The following GRM4 variants were observed in gnomAD, a reference collection of about 807,000 sequenced individuals.
GRM4 encodes the protein glutamate metabotropic receptor 4.
In GRM4, 28 loss-of-function variants were observed where a neutral mutation model predicts 81.7. That is an observed-to-expected ratio of 0.34 (90% CI 0.25 to 0.47). The LOEUF is 0.47. Ranked by LOEUF, GRM4 falls within the 20% of genes least tolerant of loss-of-function variation. The pLI is 1.00. For missense variants in GRM4, 948 were observed against 1,290.0 expected (o/e 0.73, Z 4.06); for synonymous variants, 488 against 528.8 (o/e 0.92, Z 1.06).
chr6:34,044,677 C>CACACACAG (rs1483997691), intron 6 of GRM4, among the ~76,000 whole-genome samples: 1 of 149,514 alleles, frequency 6.7e-6, no homozygotes, highest in South Asian at 2.1e-4. Flanking sequence ...CACAGACACA[C>CACACACAG]ACACACAGAC....
chr6:34,044,805 CATAT>C (rs751321618), intron 6 of GRM4, among the ~76,000 whole-genome samples: 22 of 150,782 alleles, frequency 1.5e-4, no homozygotes, highest in Non-Finnish European at 2.4e-4. Flanking sequence ...CATACATACA[CATAT>C]ATAGTCACAC....
chr6:34,076,897 C>T (rs1185656560), intron 3 of GRM4, among the ~76,000 whole-genome samples: 1 of 151,964 alleles, frequency 6.6e-6, no homozygotes, highest in Admixed American at 6.6e-5. Flanking sequence ...GGGTGGAAGA[C>T]AGGAACCAGG....
At position 34,047,826 on chromosome 6, in the gene GRM4, C is replaced by A. The variant is rs934962377; in HGVS notation, c.1169-7078G>T. Among the ~76,000 whole-genome samples the A allele has an allele frequency of 7.2e-5, 11 of 152,188 alleles. 1 individual carries two copies. Among genetic ancestry groups the A allele is most frequent in the African/African-American group, 2.4e-4 (10 of 41,440 alleles). Reference sequence around the variant, plus strand: ...ACCCAGTGGGAGTCGATTCTTGACTCCCTCTCAAGTGTTCTTTTACAAGCT... The same window carrying A: ...ACCCAGTGGGAGTCGATTCTTGACTACCTCTCAAGTGTTCTTTTACAAGCT... On this transcript the variant is annotated intron_variant, in intron 6 of 10. Coordinates refer to ENST00000538487, the MANE Select transcript of GRM4 (RefSeq NM_000841.4). The surrounding 1 kb of genome is among the most constrained non-coding windows in gnomAD (Gnocchi z 4.5).
At chr6:34,066,799 C>T (rs1766489854) in intron 3 of GRM4, among the ~76,000 whole-genome samples, 1 of 152,044 alleles carries the variant, frequency 6.6e-6, no homozygotes. Flanking sequence ...CAAATCTGGG[C>T]CACAGAACCC....
rs1188422680 is a variant in GRM4, at chr6:34,089,371, G to T, written c.736+2512C>A. 6.6e-6 allele frequency among the ~76,000 whole-genome samples: 1 copy of T among 150,628 alleles called. No homozygotes were observed. The highest frequency in any genetic ancestry group is 1.5e-5 in the Non-Finnish European group (1 of 67,606). Reference sequence around the variant, plus strand: ...TTTCAATTTGGCCAGCTGAAGTGCAGCTCTCTCTCTCTCTCTTCCTTTCTT... The same window carrying T: ...TTTCAATTTGGCCAGCTGAAGTGCATCTCTCTCTCTCTCTCTTCCTTTCTT... On this transcript the variant is annotated intron_variant, in intron 3 of 10. Transcript: ENST00000538487. This position sits in a 1 kb window ranked among gnomAD's most constrained non-coding sequence, Gnocchi z 4.3.
chr6:34,129,885 C>T (rs932590784), intron 2 of GRM4, among the ~76,000 whole-genome samples: 11 of 152,218 alleles, frequency 7.2e-5, no homozygotes, highest in South Asian at 4.1e-4. Flanking sequence ...TGCCCCCACA[C>T]CCAGGGCTCC....
chr6:34,133,608 T>G lies in GRM4; in HGVS notation c.-112A>C, dbSNP rs1489291131. ...AGGGCAGCTTCAGCAGCAGGGGGACTGAGGGCAGCCAACCGCGTAGCCCAT... is the reference window on the plus strand; with the variant it reads ...AGGGCAGCTTCAGCAGCAGGGGGACGGAGGGCAGCCAACCGCGTAGCCCAT... On this transcript the variant is annotated 5_prime_UTR_variant, in exon 2 of 11. Coordinates refer to ENST00000538487, the MANE Select transcript of GRM4 (RefSeq NM_000841.4). This position sits in a 1 kb window ranked among gnomAD's most constrained non-coding sequence, Gnocchi z 6.5. 6.8e-7 allele frequency: 1 copy of G among 1,469,156 alleles called. No individual in the cohort carries two copies. The highest frequency in any genetic ancestry group is 8.9e-7 in the Non-Finnish European group (1 of 1,118,760). The allele number at this position is 1,469,156 out of a possible 1,614,324, so 91.0% of individuals were successfully genotyped here.
intron 9 of GRM4, among the ~76,000 whole-genome samples, chr6:34,028,691 T>C (rs901959192): frequency 1.3e-5 from 2 of 152,240 alleles, no homozygotes; most frequent in Non-Finnish European, 2.9e-5. Context: ...GGAAAACATC[T>C]GGCACATGGT....
At position 34,048,042 on chromosome 6, in the gene GRM4, T is replaced by C. The variant is rs1038045433; in HGVS notation, c.1169-7294A>G. Among the ~76,000 whole-genome samples, 1 of 152,192 alleles carries C rather than the reference T, an allele frequency of 6.6e-6. No homozygotes were observed. Among genetic ancestry groups the C allele is most frequent in the African/African-American group, 2.4e-5 (1 of 41,442 alleles). On this transcript the variant is annotated intron_variant, in intron 6 of 10. Coordinates refer to ENST00000538487, the MANE Select transcript of GRM4 (RefSeq NM_000841.4). The surrounding 1 kb of genome is among the most constrained non-coding windows in gnomAD (Gnocchi z 4.0). ...AATGACCACAGCAGCAGAGAAGCCGTGTCTCTCAGACTGGGAGAGCTCACT... is the reference window on the plus strand; with the variant it reads ...AATGACCACAGCAGCAGAGAAGCCGCGTCTCTCAGACTGGGAGAGCTCACT...
rs34805347 is a variant in GRM4, at chr6:34,080,871, T to TATAC, written c.736+11011_736+11012insGTAT. 2.4e-5 allele frequency among the ~76,000 whole-genome samples: 3 copies of TATAC among 123,124 alleles called. No individual in the cohort carries two copies. Among genetic ancestry groups the TATAC allele is most frequent in the African/African-American group, 1.1e-4 (3 of 26,906 alleles). 80.8% of individuals were successfully genotyped at this position (123,124 alleles called of 152,430 possible). A position where few individuals can be genotyped will look rare whatever the true frequency, so the allele number is the denominator to read the frequency against. On this transcript the variant is annotated intron_variant, in intron 3 of 10. Coordinates refer to ENST00000538487, the MANE Select transcript of GRM4 (RefSeq NM_000841.4). The surrounding 1 kb of genome is among the most constrained non-coding windows in gnomAD (Gnocchi z 5.4). Reference sequence around the variant, plus strand: ...ATACACACACACATACACATACATATACACACACACACACACACAACCCTT... The same window carrying TATAC: ...ATACACACACACATACACATACATATATACACACACACACACACACACAACCCTT...
At chr6:34,077,607 AG>A (rs1767380787) in intron 3 of GRM4, among the ~76,000 whole-genome samples, 1 of 152,016 alleles carries the variant, frequency 6.6e-6, no homozygotes, top group African/African-American at 2.4e-5. Context: ...CCCTGTCCTG[AG>A]GCCCTGCAGG....
intron 3 of GRM4, among the ~76,000 whole-genome samples, chr6:34,072,747 TCAC>T (rs1224258347): frequency 1.1e-4 from 1 of 9,270 alleles, no homozygotes; most frequent in Non-Finnish European, 2.1e-4. Flanking sequence ...ACCCACACAA[TCAC>T]CACACACCAC....
In GRM4 at chr6:34,059,139, A is replaced by G; in HGVS notation, c.873-11T>C. ...GCCTCCAGCACACGCCTGTAGGAAC[A>G]TACACCAGCCCAGCCCAGCCGCGTC... On this transcript the variant is annotated splice_polypyrimidine_tract_variant and intron_variant, in intron 4 of 10. Coordinates refer to ENST00000538487, the MANE Select transcript of GRM4 (RefSeq NM_000841.4). The surrounding 1 kb of genome is among the most constrained non-coding windows in gnomAD (Gnocchi z 5.7). The G allele has an allele frequency of 1.2e-6, 2 of 1,613,194 alleles. No homozygotes were observed. Among genetic ancestry groups the G allele is most frequent in the South Asian group, 2.2e-5 (2 of 91,056 alleles).
chr6:34,048,473 A>G lies in GRM4; in HGVS notation c.1169-7725T>C, dbSNP rs1183532490. Among the ~76,000 whole-genome samples, 2 of 151,622 alleles carry G rather than the reference A, an allele frequency of 1.3e-5. No homozygotes were observed. The highest frequency in any genetic ancestry group is 1.9e-4 in the East Asian group (1 of 5,184). On this transcript the variant is annotated intron_variant, in intron 6 of 10. Coordinates refer to ENST00000538487, the MANE Select transcript of GRM4 (RefSeq NM_000841.4). The surrounding 1 kb of genome is among the most constrained non-coding windows in gnomAD (Gnocchi z 4.0). ...AGGGGCTGGGGCTGGGGGTGGGGGA[A>G]CTCTGGGGACTGACTCTCAGGCAAA...
In GRM4 at chr6:34,121,307, G is replaced by A. The variant is rs918894858; in HGVS notation, c.519+11671C>T. On this transcript the variant is annotated intron_variant, in intron 2 of 10. Transcript: ENST00000538487. This position sits in a 1 kb window ranked among gnomAD's most constrained non-coding sequence, Gnocchi z 4.6. ...GTTCTCTTCCAGCTGCTCTGCTGTG[G>A]GGACCTCACTGGACTCCCTGACAGC... Among the ~76,000 whole-genome samples the A allele has an allele frequency of 1.5e-4, 23 of 152,150 alleles. No individual in the cohort carries two copies. Among genetic ancestry groups the A allele is most frequent in the Non-Finnish European group, 1.3e-4 (9 of 68,030 alleles).
intron 3 of GRM4, among the ~76,000 whole-genome samples, chr6:34,087,789 C>T (rs1052124640): frequency 1.5e-5 from 2 of 137,546 alleles, no homozygotes; most frequent in Non-Finnish European, 3.2e-5. Flanking sequence ...ACTTCCCAGA[C>T]ATGCACCCCT....
chr6:34,061,270 CGTGAGGACAGAG>C (rs1766164286), intron 4 of GRM4: 1 of 152,172 alleles, frequency 6.6e-6, no homozygotes, highest in African/African-American at 2.4e-5. Flanking sequence ...CCTGGGGCTC[CGTGAGGACAGAG>C]CTGTGTCTCC....
chr6:34,113,949 G>A (rs565076385), intron 2 of GRM4, among the ~76,000 whole-genome samples: 1 of 152,032 alleles, frequency 6.6e-6, no homozygotes. Context: ...CAACCCCCTT[G>A]CTCCTCAGAT....
intron 2 of GRM4, among the ~76,000 whole-genome samples, chr6:34,132,691 A>T (rs558954267): frequency 2.6e-5 from 4 of 152,014 alleles, no homozygotes; most frequent in Non-Finnish European, 5.9e-5. Flanking sequence ...GGAGTTGCTC[A>T]CCGAGCCTCC....
Sources: allele counts gnomAD v4.1 joint callset (sites outside exome capture counted in the v4.1 genomes callset), GRCh38; gene constraint gnomAD v4.1.1; non-coding constraint Gnocchi (gnomAD v3.1); transcripts MANE v1.5; gene names NCBI Gene and HGNC (gene_info 2026-07-23, HGNC 2026-07-21).